SCYGR1: variants seen among roughly 807,000 people sequenced by gnomAD.
SCYGR1 encodes the protein small cysteine and glycine repeat containing 1, also known as small cysteine and glycine repeat-containing protein 1.
In SCYGR1 at chr2:227,387,899, A is replaced by ACCACCGCAG. The variant is rs1575029628; in HGVS notation, c.42_50dup (p.Cys15_Gly17dup). On this transcript the variant is annotated inframe_insertion, in exon 1 of 1. Transcript: ENST00000641359. ...ATCTGCCACAGCCACCACCACAGCC[A>ACCACCGCAG]CCACCGCAGCCACCACAGCCACCAC... 1.5e-5 allele frequency: 6 copies of ACCACCGCAG among 400,992 alleles called. No individual in the cohort carries two copies. The East Asian group carries it at 2.1e-4, about 14-fold the overall frequency. The allele number at this position is 400,992 out of a possible 1,614,324, so 24.8% of individuals were successfully genotyped here.
exon 1 of SCYGR1, chr2:227,387,742 T>C (rs1380397118): frequency 4.3e-5 from 17 of 398,930 alleles, no homozygotes; most frequent in African/African-American, 1.2e-4. Flanking sequence ...TTCCCACAGC[T>C]GTAGCCACAC....
chr2:227,387,905 GCAGCCACCA>G (rs200143617), exon 1 of SCYGR1: 23,717 of 394,060 alleles, frequency 0.06, 1,073 homozygotes, highest in African/African-American at 0.17. Context: ...AGCCACCACC[GCAGCCACCA>G]CAGCCACCAC....
exon 1 of SCYGR1, chr2:227,387,704 G>A (rs1228641388): frequency 2.5e-6 from 1 of 398,828 alleles, no homozygotes; most frequent in African/African-American, 2.1e-5. Flanking sequence ...ATTGCTTCTG[G>A]CAGCAGCACT....
chr2:227,387,908 G>GCCA (rs2076509505), exon 1 of SCYGR1: 28 of 306,910 alleles, frequency 9.1e-5, no homozygotes, highest in Admixed American at 1.4e-4. Context: ...CACCACCGCA[G>GCCA]CCACCACAGC....
chr2:227,387,949 T>G (rs1159430421), exon 1 of SCYGR1: 1 of 399,658 alleles, frequency 2.5e-6, no homozygotes, highest in African/African-American at 2.1e-5. Flanking sequence ...CAGCAACCCA[T>G]GGTGTCAGTA....
At chr2:227,387,785 G>A (rs976668270) in exon 1 of SCYGR1, 59 of 398,948 alleles carry the variant, frequency 1.5e-4, no homozygotes, top group Admixed American at 9.2e-4. Context: ...AGCAGATCAC[G>A]GGAGTGCTGC....
exon 1 of SCYGR1, chr2:227,387,920 ACCACAACCT>A (rs1004939001): frequency 2.5e-6 from 1 of 399,182 alleles, no homozygotes; most frequent in African/African-American, 2.1e-5. Context: ...CACCACAGCC[ACCACAACCT>A]CCACAACCAC....
exon 1 of SCYGR1, chr2:227,387,768 C>T (rs571487377): frequency 6.8e-5 from 27 of 398,968 alleles, no homozygotes; most frequent in East Asian, 2.8e-4. Context: ...GCAGGTGCGG[C>T]GGCAGCAGCA....
chr2:227,387,907 A>G (rs376661590), exon 1 of SCYGR1: 1 of 338,602 alleles, frequency 3.0e-6, no homozygotes, highest in Non-Finnish European at 4.9e-6. Flanking sequence ...CCACCACCGC[A>G]GCCACCACAG....
chr2:227,387,887 A>ACCACCACAG (rs11281766), exon 1 of SCYGR1: 130,675 of 399,778 alleles, frequency 0.33, 21,198 homozygotes, highest in Middle Eastern at 0.4. Context: ...TGCCACAGCC[A>ACCACCACAG]CCACCACAGC....
exon 1 of SCYGR1, chr2:227,387,903 C>T (rs1158545211): frequency 2.6e-6 from 1 of 390,128 alleles, no homozygotes; most frequent in East Asian, 3.6e-5. Flanking sequence ...ACAGCCACCA[C>T]CGCAGCCACC....
chr2:227,387,785 G>C (rs976668270), exon 1 of SCYGR1: 2 of 398,952 alleles, frequency 5.0e-6, no homozygotes, highest in East Asian at 3.6e-5. Context: ...AGCAGATCAC[G>C]GGAGTGCTGC....
exon 1 of SCYGR1, chr2:227,387,920 A>T (rs371423221): frequency 3.3e-5 from 13 of 399,180 alleles, no homozygotes; most frequent in South Asian, 1.3e-4. Flanking sequence ...CACCACAGCC[A>T]CCACAACCTC....
chr2:227,387,766 G>A lies in SCYGR1; in HGVS notation c.184C>T (p.Arg62Cys), dbSNP rs149506165. 2,189 of 398,924 alleles carry A rather than the reference G, an allele frequency of 5.5e-3. 30 individuals carry two copies. The highest frequency in any genetic ancestry group is 0.04 in the African/African-American group (1,966 of 48,728). The allele number at this position is 398,924 out of a possible 1,614,324, so 24.7% of individuals were successfully genotyped here. A position where few individuals can be genotyped will look rare whatever the true frequency, so the allele number is the denominator to read the frequency against. Residue 62 changes from arginine (R) to cysteine (C), a missense_variant, in exon 1 of 1, where the codon CGC (arginine) becomes TGC (cysteine). Transcript: ENST00000641359. The stretch of plus-strand genomic sequence containing the variant: ...CTGTAGCCACACGAGCTGCAGGTGC[G>A]GCGGCAGCAGCAGATCACGGGAGTG...
chr2:227,387,908 G>GCCACCACAA (rs2076509512), exon 1 of SCYGR1: 1 of 306,910 alleles, frequency 3.3e-6, no homozygotes, highest in Admixed American at 7.1e-5. Context: ...CACCACCGCA[G>GCCACCACAA]CCACCACAGC....
chr2:227,387,788 A>T (rs923531442), exon 1 of SCYGR1: 26 of 398,964 alleles, frequency 6.5e-5, no homozygotes, highest in Admixed American at 1.8e-4. Context: ...AGATCACGGG[A>T]GTGCTGCAGC....
chr2:227,387,716 C>T, exon 1 of SCYGR1: 1 of 398,964 alleles, frequency 2.5e-6, no homozygotes, highest in Non-Finnish European at 4.4e-6. Context: ...AGCAGCACTT[C>T]TGCTGGCAAC....
exon 1 of SCYGR1, chr2:227,387,812 G>A (rs1289898500): frequency 5.0e-6 from 2 of 399,392 alleles, no homozygotes; most frequent in Non-Finnish European, 8.8e-6. Context: ...CTCCACAGCA[G>A]CCACGGCAGC....
chr2:227,387,771 C>A, exon 1 of SCYGR1: 2 of 399,010 alleles, frequency 5.0e-6, no homozygotes, highest in Non-Finnish European at 8.8e-6. Flanking sequence ...GGTGCGGCGG[C>A]AGCAGCAGAT....
Sources: allele counts gnomAD v4.1 joint callset, GRCh38; gene constraint gnomAD v4.1.1; transcripts MANE v1.5; gene names NCBI Gene and HGNC (gene_info 2026-07-23, HGNC 2026-07-21).